The following FAM24B variants were observed in gnomAD, a reference collection of about 807,000 sequenced individuals.
FAM24B encodes family with sequence similarity 24 member B, also known as protein FAM24B.
In FAM24B, 3 loss-of-function variants were observed where a neutral mutation model predicts 2.3. The observed-to-expected ratio is 1.29, with a 90% CI of 0.59 to 3.32. FAM24B has a LOEUF of 3.32. Ranked by LOEUF, FAM24B falls within the 30% of genes most tolerant of loss-of-function variation. FAM24B has a pLI of 0.03. For missense variants in FAM24B, 98 were observed against 117.2 expected (o/e 0.84, Z 0.76); for synonymous variants, 36 against 46.3 (o/e 0.78, Z 0.90).
At chr10:122,850,848 C>T (rs1241182433) in intron 2 of FAM24B, 8 of 256,476 alleles carry the variant, frequency 3.1e-5, no homozygotes, top group Admixed American at 1.9e-4. Flanking sequence ...GTGTGATATG[C>T]GGCTGGAAAT....
chr10:122,851,448 T>G (rs1847534584), intron 2 of FAM24B, among the ~76,000 whole-genome samples: 1 of 152,228 alleles, frequency 6.6e-6, no homozygotes, highest in South Asian at 2.1e-4. Flanking sequence ...AGTTCCAACT[T>G]CTGTGCCAAT....
intron 1 of FAM24B, among the ~76,000 whole-genome samples, chr10:122,878,043 A>C (rs1848005916): frequency 6.6e-6 from 1 of 152,024 alleles, no homozygotes; most frequent in African/African-American, 2.4e-5. Context: ...GTATCTAAAA[A>C]CTCTAAGTGT....
chr10:122,866,619 T>A (rs533972629), intron 1 of FAM24B, among the ~76,000 whole-genome samples: 2 of 152,140 alleles, frequency 1.3e-5, no homozygotes, highest in Non-Finnish European at 2.9e-5. Context: ...TTTATTATTA[T>A]ATATGTTATG....
intron 2 of FAM24B, among the ~76,000 whole-genome samples, chr10:122,852,851 G>A (rs1011685886): frequency 3.3e-5 from 5 of 152,152 alleles, no homozygotes; most frequent in Admixed American, 2.6e-4. Context: ...TTTCTATGGT[G>A]TTTGCCTAGA....
chr10:122,875,227 G>A (rs1847958543), intron 1 of FAM24B, among the ~76,000 whole-genome samples: 1 of 152,080 alleles, frequency 6.6e-6, no homozygotes, highest in African/African-American at 2.4e-5. Flanking sequence ...ACCCATCAAA[G>A]GCATTCATTT....
chr10:122,851,988 A>C (rs752925366), intron 2 of FAM24B, among the ~76,000 whole-genome samples: 1 of 152,240 alleles, frequency 6.6e-6, no homozygotes, highest in Non-Finnish European at 1.5e-5. Context: ...CTTTCATAGC[A>C]GATTGGGATT....
intron 2 of FAM24B, among the ~76,000 whole-genome samples, chr10:122,853,424 G>C (rs1444217266): frequency 6.6e-6 from 1 of 152,134 alleles, no homozygotes; most frequent in African/African-American, 2.4e-5. Context: ...GACCTGGTTA[G>C]ATGGCCCTCC....
At chr10:122,874,307 T>C (rs1847944989) in intron 1 of FAM24B, among the ~76,000 whole-genome samples, 1 of 152,232 alleles carries the variant, frequency 6.6e-6, no homozygotes, top group Non-Finnish European at 1.5e-5. Context: ...GTTAGGTACA[T>C]ATACATTAAG....
intron 1 of FAM24B, among the ~76,000 whole-genome samples, chr10:122,865,747 G>A (rs911020891): frequency 5.3e-5 from 8 of 151,672 alleles, no homozygotes; most frequent in African/African-American, 1.9e-4. Flanking sequence ...TCTGGTCCTG[G>A]TGCTTTATTT....
intron 1 of FAM24B, among the ~76,000 whole-genome samples, chr10:122,863,265 A>G (rs1385660863): frequency 6.6e-6 from 1 of 152,232 alleles, no homozygotes; most frequent in East Asian, 1.9e-4. Context: ...ACTAGCTCTT[A>G]GATATTTCAT....
intron 1 of FAM24B, among the ~76,000 whole-genome samples, chr10:122,861,761 C>G (rs1178268806): frequency 6.6e-6 from 1 of 152,164 alleles, no homozygotes; most frequent in Non-Finnish European, 1.5e-5. Context: ...TACACATGAG[C>G]AGTGAATTTT....
At chr10:122,850,335 A>G (rs1300382401) in intron 3 of FAM24B, 89 bp downstream of exon 3, 1 of 1,054,832 alleles carries the variant, frequency 9.5e-7, no homozygotes, top group Non-Finnish European at 1.5e-6. Flanking sequence ...CTCCAACAGG[A>G]AGCCCAGGTA....
At chr10:122,857,155 C>T (rs992622326) in intron 1 of FAM24B, among the ~76,000 whole-genome samples, 2 of 152,212 alleles carry the variant, frequency 1.3e-5, no homozygotes, top group South Asian at 2.1e-4. Context: ...GCTCCACCCA[C>T]CTTTAAAAGG....
At chr10:122,867,680 G>A (rs1054969584) in intron 1 of FAM24B, among the ~76,000 whole-genome samples, 18 of 152,204 alleles carry the variant, frequency 1.2e-4, no homozygotes, top group Non-Finnish European at 2.6e-4. Context: ...CAGGCAAACA[G>A]GGTCTGGAGT....
chr10:122,872,784 G>T (rs1297718944), intron 1 of FAM24B, among the ~76,000 whole-genome samples: 1 of 151,962 alleles, frequency 6.6e-6, no homozygotes, highest in Non-Finnish European at 1.5e-5. Flanking sequence ...TGGGGACTGT[G>T]GTGGGGTGGG....
chr10:122,878,684 C>T (rs1033313412), intron 1 of FAM24B, among the ~76,000 whole-genome samples: 10 of 151,530 alleles, frequency 6.6e-5, no homozygotes, highest in Non-Finnish European at 1.5e-4. Flanking sequence ...GGAATTGTTC[C>T]GATGAAAGCT....
chr10:122,856,117 A>T (rs1847633228), intron 1 of FAM24B, among the ~76,000 whole-genome samples: 1 of 151,706 alleles, frequency 6.6e-6, no homozygotes, highest in Non-Finnish European at 1.5e-5. Context: ...GCCACAGCAA[A>T]GAATGCCCCT....
intron 1 of FAM24B, among the ~76,000 whole-genome samples, chr10:122,865,380 C>T (rs766300084): frequency 3.3e-5 from 5 of 151,912 alleles, no homozygotes; most frequent in Non-Finnish European, 7.4e-5. Flanking sequence ...GATTTTTATT[C>T]TTTTATTCTT....
At chr10:122,865,818 A>G (rs149097344) in intron 1 of FAM24B, among the ~76,000 whole-genome samples, 10 of 149,404 alleles carry the variant, frequency 6.7e-5, no homozygotes, top group African/African-American at 2.5e-4. Context: ...TAGATTATCT[A>G]TTTCTCCTTT....
Sources: gnomAD v4.1 joint callset for allele counts (sites outside exome capture counted in the v4.1 genomes callset) on GRCh38, gnomAD v4.1.1 for gene constraint, MANE v1.5 for transcripts, NCBI Gene and HGNC (gene_info 2026-07-23, HGNC 2026-07-21) for gene names.